Variants in ULK4 observed in about 807,000 individuals in gnomAD.
ULK4 encodes the protein unc-51 like kinase 4.
ULK4 carries 133 observed loss-of-function variants against 160.6 expected under a neutral mutation model. That is an observed-to-expected ratio of 0.83 (90% CI 0.72 to 0.96). The LOEUF (loss-of-function observed/expected upper bound fraction) is 0.96. ULK4 is among the 40% of genes least tolerant of loss of function. The probability of loss-of-function intolerance (pLI) is 0.00; values close to 1 mark genes in which losing one functional copy is unlikely to be tolerated. For synonymous variants in ULK4, 534 were observed against 539.8 expected (o/e 0.99, Z 0.15); for missense variants, 1,580 against 1,499.5 (o/e 1.05, Z -0.89).
intron 35 of ULK4, among the ~76,000 whole-genome samples, chr3:41,262,762 G>A (rs1184470622): frequency 6.6e-6 from 1 of 152,176 alleles, no homozygotes; most frequent in African/African-American, 2.4e-5. Context: ...CAGTAAAAAT[G>A]CCCTTATTGC....
At chr3:41,647,259 G>T (rs1173030158) in intron 30 of ULK4, among the ~76,000 whole-genome samples, 1 of 152,220 alleles carries the variant, frequency 6.6e-6, no homozygotes, top group Non-Finnish European at 1.5e-5. Flanking sequence ...TTTGGAGGAG[G>T]AGAGGCACTC....
chr3:41,425,415 C>G (rs1040370968), intron 34 of ULK4, among the ~76,000 whole-genome samples: 1 of 152,136 alleles, frequency 6.6e-6, no homozygotes, highest in African/African-American at 2.4e-5. Context: ...CCTATCCAGA[C>G]AGGCCAACGT....
chr3:41,268,890 C>T (rs2079092139), intron 35 of ULK4, among the ~76,000 whole-genome samples: 1 of 151,180 alleles, frequency 6.6e-6, no homozygotes, highest in Non-Finnish European at 1.5e-5. Flanking sequence ...CAGATGAAGG[C>T]TTTCCACACA....
intron 35 of ULK4, among the ~76,000 whole-genome samples, chr3:41,252,715 A>G (rs1216036219): frequency 1.3e-5 from 2 of 152,104 alleles, no homozygotes; most frequent in Non-Finnish European, 2.9e-5. Flanking sequence ...ATGAGAGGAC[A>G]GAGAATAAAT....
At chr3:41,780,092 A>G (rs532308269) in intron 21 of ULK4, among the ~76,000 whole-genome samples, 1 of 151,472 alleles carries the variant, frequency 6.6e-6, no homozygotes, top group African/African-American at 2.4e-5. Flanking sequence ...CAGGTGGATC[A>G]CCTGAGCCCA....
chr3:41,796,974 C>T (rs982890977), intron 20 of ULK4, among the ~76,000 whole-genome samples: 2 of 152,160 alleles, frequency 1.3e-5, no homozygotes, highest in Non-Finnish European at 2.9e-5. Flanking sequence ...AGGGATCCCA[C>T]TCGCCAAATC....
At chr3:41,746,790 A>C (rs2038437015) in intron 22 of ULK4, among the ~76,000 whole-genome samples, 1 of 151,956 alleles carries the variant, frequency 6.6e-6, no homozygotes, top group Non-Finnish European at 1.5e-5. Flanking sequence ...TGTATTGATA[A>C]AGGGACAGAC....
chr3:41,933,984 G>A (rs1310132844), intron 4 of ULK4, among the ~76,000 whole-genome samples: 2 of 152,104 alleles, frequency 1.3e-5, no homozygotes, highest in East Asian at 3.8e-4. Flanking sequence ...TTTGCAGTGA[G>A]TTGAGATCAC....
chr3:41,896,673 A>T, intron 15 of ULK4, 149 bp downstream of exon 15: 1 of 834,042 alleles, frequency 1.2e-6, no homozygotes, highest in Non-Finnish European at 1.7e-6. Context: ...TTAGGACCTA[A>T]GGATTAAGCA....
intron 35 of ULK4, chr3:41,258,288 G>C (rs967290827): frequency 6.6e-6 from 1 of 152,124 alleles, no homozygotes; most frequent in African/African-American, 2.4e-5. Context: ...AGAATGTTTT[G>C]TGCAAACTGA....
chr3:41,756,435 T>G (rs2038805864), intron 21 of ULK4, among the ~76,000 whole-genome samples: 1 of 151,958 alleles, frequency 6.6e-6, no homozygotes, highest in Non-Finnish European at 1.5e-5. Context: ...GCATATGAGG[T>G]TCTTCATGGT....
chr3:41,362,527 C>G (rs984973318), intron 35 of ULK4, among the ~76,000 whole-genome samples: 3 of 152,176 alleles, frequency 2.0e-5, no homozygotes, highest in Non-Finnish European at 4.4e-5. Flanking sequence ...GATGGTTAAA[C>G]TGTCAAGCTA....
intron 22 of ULK4, among the ~76,000 whole-genome samples, chr3:41,723,632 C>T (rs1447721848): frequency 6.6e-6 from 1 of 152,168 alleles, no homozygotes; most frequent in Non-Finnish European, 1.5e-5. Context: ...CTTACATTAC[C>T]TCCTCTGGCC....
intron 32 of ULK4, among the ~76,000 whole-genome samples, chr3:41,488,376 A>G (rs911587251): frequency 3.9e-5 from 6 of 152,160 alleles, no homozygotes; most frequent in Non-Finnish European, 8.8e-5. Flanking sequence ...GAACCCAGGA[A>G]AGCTAACTCC....
At position 41,916,005 on chromosome 3, in the gene ULK4, C is replaced by T. The variant is rs749117120; in HGVS notation, c.775G>A (p.Gly259Arg). The T allele has an allele frequency of 1.4e-5, 22 of 1,588,810 alleles. No homozygotes were observed. Among genetic ancestry groups the T allele is most frequent in the Non-Finnish European group, 1.8e-5 (21 of 1,174,080 alleles). ...ASSDFINLLD[G>R]LLQRDPQKRL... ...TTCTGAGGATCTCTTTGAAGTAACC[C>T]ATCAAGCAAATTAATAAAATCTGAA... The change falls in exon 8 of 37, where the codon GGG becomes AGG. Residue 259 changes from glycine (G) to arginine (R), a missense_variant. By Grantham distance (125) the Gly-to-Arg change is moderately radical (BLOSUM62 -2). Coordinates refer to ENST00000301831, the MANE Select transcript of ULK4 (RefSeq NM_017886.4).
At position 41,625,059 on chromosome 3, in the gene ULK4, G is replaced by A. The variant is rs1378434133; in HGVS notation, c.3072-9342C>T. Among the ~76,000 whole-genome samples, 3 of 152,150 alleles carry A rather than the reference G, an allele frequency of 2.0e-5. No individual in the cohort carries two copies. The East Asian group carries it at 5.8e-4, about 29-fold the overall frequency. ...ATGTTAAAGCAAGTAAGGAAGAAGG[G>A]TGGCTGCAAACATTTACAATTCTCT... is the stretch of plus-strand genomic sequence containing the variant. On this transcript the variant is annotated intron_variant, in intron 30 of 36. Transcript: ENST00000301831.
At chr3:41,574,617 A>G (rs943095076) in intron 31 of ULK4, among the ~76,000 whole-genome samples, 4 of 143,164 alleles carry the variant, frequency 2.8e-5, no homozygotes, top group African/African-American at 7.6e-5. Flanking sequence ...TCTCAGCTCA[A>G]TGCAAGCTCC....
Position 41,506,767 on chromosome 3 carries a change from A to AAAAAAAAAAAAAAAATATATATAT in ULK4, c.3227-43515_3227-43514insATATATATATTTTTTTTTTTTTTT. Among the ~76,000 whole-genome samples the AAAAAAAAAAAAAAAATATATATAT allele has an allele frequency of 5.3e-5, 3 of 56,766 alleles. 1 individual carries two copies. Among genetic ancestry groups the AAAAAAAAAAAAAAAATATATATAT allele is most frequent in the Non-Finnish European group, 9.4e-5 (3 of 31,988 alleles). 37.2% of individuals were successfully genotyped at this position (56,766 alleles called of 152,430 possible). ...AGCAATACACTGGAGTGTGATTTAA[A>AAAAAAAAAAAAAAAATATATATAT]ATATATATATATATATATATATATA... On this transcript the variant is annotated intron_variant, in intron 32 of 36. Transcript: ENST00000301831.
intron 31 of ULK4, among the ~76,000 whole-genome samples, chr3:41,567,943 G>T (rs1401117176): frequency 6.6e-6 from 1 of 151,974 alleles, no homozygotes; most frequent in Non-Finnish European, 1.5e-5. Context: ...TACCCTAACC[G>T]TGTTGTATCT....
Sources: allele counts gnomAD v4.1 joint callset (sites outside exome capture counted in the v4.1 genomes callset), GRCh38; gene constraint gnomAD v4.1.1; transcripts MANE v1.5; gene names NCBI Gene and HGNC (gene_info 2026-07-23, HGNC 2026-07-21).